VPS9D1: variants seen among roughly 807,000 people sequenced by gnomAD.
The protein encoded by VPS9D1 is VPS9 domain containing 1.
VPS9D1 carries 78 observed loss-of-function variants against 75.8 expected under a neutral mutation model. The observed-to-expected ratio is 1.03, with a 90% CI of 0.86 to 1.24. The LOEUF (loss-of-function observed/expected upper bound fraction) is 1.24, where lower values mean the gene tolerates loss of function less well. Ranked by LOEUF, VPS9D1 falls within the 50% of genes most tolerant of loss-of-function variation. The pLI is 0.00. For synonymous variants in VPS9D1, 481 were observed against 385.6 expected, an observed-to-expected ratio of 1.25 and a Z score of -2.90; for missense variants, 1,057 against 847.7, an observed-to-expected ratio of 1.25 and a Z score of -3.07.
intron 13 of VPS9D1, 82 bp from the exon 14 acceptor site, chr16:89,708,613 C>T: frequency 7.1e-7 from 1 of 1,413,874 alleles, no homozygotes; most frequent in Non-Finnish European, 9.7e-7. Context: ...GCCATCCTGG[C>T]CGTGCTGGCC....
At chr16:89,711,735 G>A (rs1429643088) in intron 8 of VPS9D1, 147 bp downstream of exon 8, 11 of 917,630 alleles carry the variant, frequency 1.2e-5, no homozygotes, top group Non-Finnish European at 1.7e-5. Context: ...CCCCCTCACC[G>A]GGCCCTCCCA....
chr16:89,716,911 A>G, intron 2 of VPS9D1, 89 bp from the exon 3 acceptor site: 1 of 1,231,924 alleles, frequency 8.1e-7, no homozygotes, highest in Non-Finnish European at 1.1e-6. Flanking sequence ...AAAGGCAGGC[A>G]AGCCCACTGC....
chr16:89,718,424 C>T (rs2061143288), intron 2 of VPS9D1, among the ~76,000 whole-genome samples: 1 of 152,222 alleles, frequency 6.6e-6, no homozygotes, highest in Admixed American at 6.5e-5. Context: ...CCGCCCACTC[C>T]TATTTCAGGG....
intron 1 of VPS9D1, chr16:89,719,396 A>G (rs2061180391): frequency 3.7e-6 from 2 of 533,986 alleles, no homozygotes; most frequent in African/African-American, 1.9e-5. Context: ...CTTTCTCTCC[A>G]GCACAGGAAC....
chr16:89,707,988 G>A (rs1110331), intron 14 of VPS9D1, 34 bp from the exon 15 acceptor site: 946,788 of 1,600,348 alleles, frequency 0.59, 284,896 homozygotes, highest in East Asian at 0.84. Flanking sequence ...GGTGTCATCT[G>A]AACGAACAGA....
Position 89,719,165 on chromosome 16 carries a change from G to A in VPS9D1, c.100-63C>T, listed in dbSNP as rs149591270. The A allele has an allele frequency of 1.6e-4, 245 of 1,496,524 alleles. 2 individuals carry two copies. Among genetic ancestry groups the A allele is most frequent in the Non-Finnish European group, 2.0e-4 (218 of 1,075,118 alleles). 92.7% of individuals were successfully genotyped at this position (1,496,524 alleles called of 1,614,324 possible). Reference sequence around the variant, plus strand: ...TGGAGGGAAGTGACTCCATTATTCCGGCCAGGTGCCCTTGTGGGATAAGCA... The same window carrying A: ...TGGAGGGAAGTGACTCCATTATTCCAGCCAGGTGCCCTTGTGGGATAAGCA... On this transcript the variant is annotated intron_variant, in intron 1 of 14. Coordinates refer to ENST00000389386, the MANE Select transcript of VPS9D1 (RefSeq NM_004913.3).
chr16:89,720,603 G>C, intron 1 of VPS9D1, 160 bp downstream of exon 1: 1 of 1,226,760 alleles, frequency 8.2e-7, no homozygotes, highest in Non-Finnish European at 1.0e-6. Context: ...GCCCGGCTGC[G>C]CCCCGCCCCC....
intron 2 of VPS9D1, chr16:89,717,511 C>G: frequency 2.2e-6 from 1 of 454,376 alleles, no homozygotes; most frequent in Non-Finnish European, 4.4e-6. Flanking sequence ...GCCGTGGGAG[C>G]TGCCTCTCTG....
intron 9 of VPS9D1, 101 bp from the exon 10 acceptor site, chr16:89,711,111 C>A (rs2060907274): frequency 1.5e-6 from 2 of 1,291,654 alleles, no homozygotes; most frequent in Admixed American, 5.8e-5. Context: ...ACTTGCATTA[C>A]CTCCTGACAG....
At chr16:89,720,268 G>T (rs1356288784) in intron 1 of VPS9D1, 7 of 429,232 alleles carry the variant, frequency 1.6e-5, no homozygotes, top group Non-Finnish European at 1.9e-5. Context: ...GCCAACCTTA[G>T]ATTCGGCCCC....
In VPS9D1 at chr16:89,716,558, C is replaced by A; in HGVS notation, c.335G>T (p.Arg112Leu). The A allele has an allele frequency of 6.2e-7, 1 of 1,614,042 alleles. No homozygotes were observed. Among genetic ancestry groups the A allele is most frequent in the Non-Finnish European group, 8.5e-7 (1 of 1,179,974 alleles). Reference protein sequence around the residue: ...APIPQPAGRHRRVYSDEGGKL... With the variant: ...APIPQPAGRHLRVYSDEGGKL... Reference sequence around the variant, plus strand: ...TCCTCCTTCATCGGAGTATACACGGCGGTGTCGGCCGGCAGGCTGGGGAAT... The same window carrying A: ...TCCTCCTTCATCGGAGTATACACGGAGGTGTCGGCCGGCAGGCTGGGGAAT... Residue 112 changes from arginine to leucine, a missense_variant, in exon 4 of 15, where the codon CGC becomes CTC. By Grantham distance (102) the Arg-to-Leu change is moderately radical. Transcript: ENST00000389386.
chr16:89,709,861 G>A lies in VPS9D1; in HGVS notation c.1304C>T (p.Thr435Ile). ...LTLLAFEGLN[T>I]AASKDRCLAC... The stretch of plus-strand genomic sequence containing the variant: ...CAGGCAGCGGTCCTTGGAGGCAGCT[G>A]TGTTTAGGCCTTCGAAGGCCAGAAG... Residue 435 changes from threonine to isoleucine, a missense_variant, in exon 11 of 15, where the codon ACA becomes ATA. Physicochemically the swap from Thr to Ile is moderately conservative, Grantham distance 89. Transcript: ENST00000389386. 3.7e-6 allele frequency: 6 copies of A among 1,613,688 alleles called. No individual in the cohort carries two copies. Among genetic ancestry groups the A allele is most frequent in the East Asian group, 2.2e-5 (1 of 44,892 alleles).
chr16:89,711,629 C>CT, intron 8 of VPS9D1: 1 of 656,210 alleles, frequency 1.5e-6, no homozygotes, highest in Admixed American at 3.1e-5. Flanking sequence ...GGGACCCTCC[C>CT]TCCTCGCAGG....
chr16:89,708,806 C>G, intron 13 of VPS9D1, 51 bp downstream of exon 13: 2 of 1,500,806 alleles, frequency 1.3e-6, no homozygotes, highest in Non-Finnish European at 1.8e-6. Flanking sequence ...GTGACCATTG[C>G]CTTTCTAGGG....
rs372029105 is a variant in VPS9D1 at position 89,716,726 on chromosome 16, C to G, written c.268+4G>C. 3.8e-6 allele frequency: 6 copies of G among 1,588,468 alleles called. No homozygotes were observed. Among genetic ancestry groups the G allele is most frequent in the Non-Finnish European group, 5.1e-6 (6 of 1,166,876 alleles). On this transcript the variant is annotated splice_donor_region_variant and intron_variant, in intron 3 of 14. Coordinates refer to ENST00000389386, the MANE Select transcript of VPS9D1 (RefSeq NM_004913.3). Reference sequence around the variant, plus strand: ...AGGAGAGCCGCCTACTGCAGGAGACCCACCAAGCTTGGCGGCCGTCGACTG... The same window carrying G: ...AGGAGAGCCGCCTACTGCAGGAGACGCACCAAGCTTGGCGGCCGTCGACTG...
At chr16:89,708,360 T>G in intron 14 of VPS9D1, 67 bp downstream of exon 14, 1 of 1,459,590 alleles carries the variant, frequency 6.9e-7, no homozygotes, top group Non-Finnish European at 9.4e-7. Context: ...ACAACCACCG[T>G]TTAGGTTGAG....
chr16:89,716,198 C>T (rs897168834), intron 4 of VPS9D1, among the ~76,000 whole-genome samples: 26 of 151,788 alleles, frequency 1.7e-4, no homozygotes, highest in African/African-American at 5.8e-4. Flanking sequence ...AACCCCGTCT[C>T]TACTAAAAAT....
chr16:89,714,745 T>G (rs1467398940), intron 4 of VPS9D1, among the ~76,000 whole-genome samples: 1 of 151,792 alleles, frequency 6.6e-6, no homozygotes, highest in Admixed American at 6.6e-5. Context: ...TTCTTTCTTC[T>G]TTTTTTTTGA....
In VPS9D1 at chr16:89,720,863, G is replaced by A; in HGVS notation, c.-2C>T. On this transcript the variant is annotated 5_prime_UTR_variant, in exon 1 of 15. Transcript: ENST00000389386. ...GCCGTCCCCGGCCGCAGCGGCCATGGCGCCGAGCGGGGGAGGCGGCGGCGG... is the reference window on the plus strand; with the variant it reads ...GCCGTCCCCGGCCGCAGCGGCCATGACGCCGAGCGGGGGAGGCGGCGGCGG... 5 of 1,384,658 alleles carry A rather than the reference G, an allele frequency of 3.6e-6. No individual in the cohort carries two copies. Among genetic ancestry groups the A allele is most frequent in the Non-Finnish European group, 3.8e-6 (4 of 1,064,072 alleles). The allele number at this position is 1,384,658 out of a possible 1,614,324, so 85.8% of individuals were successfully genotyped here.
Sources: gnomAD v4.1 joint callset for allele counts (sites outside exome capture counted in the v4.1 genomes callset) on GRCh38, gnomAD v4.1.1 for gene constraint, MANE v1.5 for transcripts, NCBI Gene and HGNC (gene_info 2026-07-23, HGNC 2026-07-21) for gene names.